Variants in CLNK observed in about 807,000 individuals in gnomAD.
CLNK encodes the protein cytokine-dependent hematopoietic cell linker.
In CLNK, 74 loss-of-function variants were observed where a neutral mutation model predicts 68.6. That is an observed-to-expected ratio of 1.08 (90% CI 0.89 to 1.31). CLNK has a LOEUF of 1.31. Among genes scored for constraint, CLNK ranks in the 50% most tolerant of loss-of-function variants. The pLI, the probability that CLNK is intolerant of heterozygous loss-of-function variation, is 0.00. For missense variants in CLNK, 553 were observed against 515.3 expected, an observed-to-expected ratio of 1.07 and a Z score of -0.71; for synonymous variants, 198 against 172.2, an observed-to-expected ratio of 1.15 and a Z score of -1.17.
intron 18 of CLNK, among the ~76,000 whole-genome samples, chr4:10,492,435 T>C (rs1716621338): frequency 6.6e-6 from 1 of 152,102 alleles, no homozygotes; most frequent in South Asian, 2.1e-4. Context: ...CAATGGAGAA[T>C]GAGATTGGCC....
chr4:10,568,979 T>C lies in CLNK; in HGVS notation c.150+2762A>G, dbSNP rs59508533. ...GGCCTCAAGAAGTGACACCACTCTC[T>C]GTATATTGTCTTAAAATGTGACACT... On this transcript the variant is annotated intron_variant, in intron 5 of 18. Coordinates refer to ENST00000226951, the MANE Select transcript of CLNK (RefSeq NM_052964.4). Among the ~76,000 whole-genome samples, 1,129 of 152,350 alleles carry C rather than the reference T, an allele frequency of 7.4e-3. 12 individuals are homozygous for C. Among genetic ancestry groups the C allele is most frequent in the African/African-American group, 0.025 (1,055 of 41,582 alleles).
chr4:10,701,507 C>A, the CLNK span, among the ~76,000 whole-genome samples: 1 of 152,176 alleles, frequency 6.6e-6, no homozygotes, highest in African/African-American at 2.4e-5. Context: ...TCTCAAGGAG[C>A]CTGTTGTGCT....
chr4:10,660,632 G>A lies in CLNK; in HGVS notation c.11+7227C>T, dbSNP rs564500629. Among the ~76,000 whole-genome samples, 5 of 152,308 alleles carry A rather than the reference G, an allele frequency of 3.3e-5. No individual in the cohort carries two copies. In the South Asian group the frequency reaches 8.3e-4, roughly 25 times the overall value. The stretch of plus-strand genomic sequence containing the variant: ...CTCTAACCTTGTGGACAGTCAGTAG[G>A]AGATTTTGTTCAGCTGGAAGTTTCC... On this transcript the variant is annotated intron_variant, in intron 2 of 18. Coordinates refer to ENST00000226951, the MANE Select transcript of CLNK (RefSeq NM_052964.4).
the CLNK span, among the ~76,000 whole-genome samples, chr4:10,699,659 C>G: frequency 6.6e-6 from 1 of 150,952 alleles, no homozygotes; most frequent in Admixed American, 6.6e-5. Flanking sequence ...ATTACAGCTG[C>G]CTGCCACCAC....
chr4:10,619,311 C>T (rs1209085730), intron 2 of CLNK, among the ~76,000 whole-genome samples: 1 of 152,202 alleles, frequency 6.6e-6, no homozygotes, highest in Non-Finnish European at 1.5e-5. Context: ...TAAACTCACT[C>T]TGGTTTCAGG....
intron 2 of CLNK, among the ~76,000 whole-genome samples, chr4:10,611,843 T>A (rs1722043795): frequency 6.6e-6 from 1 of 152,134 alleles, no homozygotes; most frequent in African/African-American, 2.4e-5. Context: ...GGATCCTCAT[T>A]GTAAAATCTG....
chr4:10,672,720 G>C (rs567007180), intron 1 of CLNK, among the ~76,000 whole-genome samples: 1 of 152,268 alleles, frequency 6.6e-6, no homozygotes, highest in African/African-American at 2.4e-5. Context: ...TTAGGGAAAA[G>C]CCCAGGTATG....
intron 2 of CLNK, among the ~76,000 whole-genome samples, chr4:10,660,119 G>A (rs965322784): frequency 6.6e-6 from 1 of 152,158 alleles, no homozygotes; most frequent in Non-Finnish European, 1.5e-5. Flanking sequence ...CATGGATCAG[G>A]TTCTCCAAAC....
At chr4:10,554,367 A>G (rs1719579383) in intron 8 of CLNK, among the ~76,000 whole-genome samples, 1 of 152,258 alleles carries the variant, frequency 6.6e-6, no homozygotes, top group African/African-American at 2.4e-5. Context: ...AAACTTCATT[A>G]GGGAATTATT....
intron 2 of CLNK, among the ~76,000 whole-genome samples, chr4:10,649,778 C>CA (rs11299471): frequency 2.0e-5 from 3 of 151,688 alleles, no homozygotes; most frequent in African/African-American, 7.3e-5. Flanking sequence ...TTAGGCACCC[C>CA]AAAAAACAAA....
At chr4:10,586,797 C>A (rs1254089514) in intron 3 of CLNK, among the ~76,000 whole-genome samples, 2 of 152,174 alleles carry the variant, frequency 1.3e-5, no homozygotes, top group Non-Finnish European at 2.9e-5. Flanking sequence ...ACCATTAAAT[C>A]CATACCTTAT....
At chr4:10,654,405 A>ATATATAT (rs1367370247) in intron 2 of CLNK, among the ~76,000 whole-genome samples, 8 of 117,070 alleles carry the variant, frequency 6.8e-5, no homozygotes, top group Non-Finnish European at 1.2e-4. Context: ...ATATATATAG[A>ATATATAT]AAGTCTCTTG....
At chr4:10,574,937 G>A (rs1465784743) in intron 4 of CLNK, among the ~76,000 whole-genome samples, 1 of 152,142 alleles carries the variant, frequency 6.6e-6, no homozygotes, top group Non-Finnish European at 1.5e-5. Context: ...CCTTAGAGTT[G>A]TAAGCCCTTG....
chr4:10,647,846 T>G (rs112292725), intron 2 of CLNK, among the ~76,000 whole-genome samples: 3 of 152,140 alleles, frequency 2.0e-5, no homozygotes, highest in African/African-American at 7.2e-5. Flanking sequence ...AACATAGATA[T>G]ATTATGCCCT....
At chr4:10,708,292 A>C in the CLNK span, among the ~76,000 whole-genome samples, 7 of 152,248 alleles carry the variant, frequency 4.6e-5, no homozygotes, top group African/African-American at 1.7e-4. Context: ...AATAATATAA[A>C]AACTAACAAT....
At chr4:10,668,877 A>G (rs917999783) in intron 1 of CLNK, among the ~76,000 whole-genome samples, 1 of 152,204 alleles carries the variant, frequency 6.6e-6, no homozygotes, top group Admixed American at 6.5e-5. Context: ...CTCAACAGAA[A>G]GCCAAGGGCG....
At chr4:10,586,845 A>T (rs1394878871) in intron 3 of CLNK, among the ~76,000 whole-genome samples, 1 of 151,990 alleles carries the variant, frequency 6.6e-6, no homozygotes, top group African/African-American at 2.4e-5. Flanking sequence ...TCCGCATTTT[A>T]CCCATTTCAC....
chr4:10,705,251 A>C, the CLNK span, among the ~76,000 whole-genome samples: 1 of 152,132 alleles, frequency 6.6e-6, no homozygotes, highest in Admixed American at 6.5e-5. Flanking sequence ...AACAAAATAC[A>C]CGTTTATGCT....
chr4:10,725,566 G>A, the CLNK span, among the ~76,000 whole-genome samples: 4 of 152,114 alleles, frequency 2.6e-5, no homozygotes, highest in African/African-American at 7.2e-5. Context: ...CCTCCCCAGC[G>A]AAAAACACAT....
Sources: gnomAD v4.1 joint callset for allele counts (sites outside exome capture counted in the v4.1 genomes callset) on GRCh38, gnomAD v4.1.1 for gene constraint, MANE v1.5 for transcripts, NCBI Gene and HGNC (gene_info 2026-07-23, HGNC 2026-07-21) for gene names.